The following SGCG variants were observed in gnomAD, a reference collection of about 807,000 sequenced individuals.
SGCG encodes the protein sarcoglycan gamma.
A neutral mutation model predicts 29.3 loss-of-function variants in SGCG; 26 were observed. The observed-to-expected ratio is 0.89, with a 90% CI of 0.65 to 1.23. The LOEUF is 1.23. SGCG is among the 50% of genes most tolerant of loss of function. The probability of loss-of-function intolerance (pLI) is 0.00; values close to 1 mark genes in which losing one functional copy is unlikely to be tolerated. For missense variants in SGCG, 353 were observed against 356.0 expected, an observed-to-expected ratio of 0.99 and a Z score of 0.07; for synonymous variants, 145 against 129.7, an observed-to-expected ratio of 1.12 and a Z score of -0.80.
chr13:23,302,316 C>A (rs1882192107), intron 6 of SGCG, among the ~76,000 whole-genome samples: 1 of 151,338 alleles, frequency 6.6e-6, no homozygotes, highest in Non-Finnish European at 1.5e-5. Flanking sequence ...TTTAAAATTT[C>A]TTTTGGATAG....
chr13:23,311,854 A>G (rs1185470214), intron 6 of SGCG, among the ~76,000 whole-genome samples: 1 of 152,128 alleles, frequency 6.6e-6, no homozygotes, highest in Non-Finnish European at 1.5e-5. Flanking sequence ...TCTGACCTCC[A>G]AACCCCCCAC....
chr13:23,189,605 A>G (rs1226406634), intron 1 of SGCG, among the ~76,000 whole-genome samples: 2 of 152,236 alleles, frequency 1.3e-5, no homozygotes, highest in Non-Finnish European at 2.9e-5. Flanking sequence ...TTGTTACATT[A>G]TATTCATGCA....
chr13:23,221,875 C>T (rs1270724826), intron 2 of SGCG, among the ~76,000 whole-genome samples: 1 of 152,154 alleles, frequency 6.6e-6, no homozygotes, highest in African/African-American at 2.4e-5. Flanking sequence ...ACTATGTATG[C>T]CCTAGTACCC....
chr13:23,309,487 T>C (rs1882480889), intron 6 of SGCG, among the ~76,000 whole-genome samples: 1 of 152,198 alleles, frequency 6.6e-6, no homozygotes, highest in African/African-American at 2.4e-5. Flanking sequence ...GTCATCCTTT[T>C]TATTATTATA....
chr13:23,295,997 C>T (rs553586071), intron 6 of SGCG, among the ~76,000 whole-genome samples: 1 of 127,220 alleles, frequency 7.9e-6, no homozygotes, highest in East Asian at 2.4e-4. Context: ...CCTGGGGTGC[C>T]CCCCTCCCCG....
intron 2 of SGCG, among the ~76,000 whole-genome samples, chr13:23,212,816 T>A (rs1448985814): frequency 2.0e-5 from 3 of 152,132 alleles, no homozygotes; most frequent in East Asian, 1.9e-4. Flanking sequence ...CAGAGCAGGT[T>A]TGGTTTGCAG....
chr13:23,307,655 T>G (rs764565226), intron 6 of SGCG, among the ~76,000 whole-genome samples: 29 of 152,078 alleles, frequency 1.9e-4, no homozygotes, highest in Non-Finnish European at 3.7e-4. Context: ...ATATTAGAAG[T>G]CAGTACAGAT....
chr13:23,207,229 G>A (rs983644470), intron 2 of SGCG, among the ~76,000 whole-genome samples: 7 of 152,126 alleles, frequency 4.6e-5, no homozygotes, highest in Non-Finnish European at 7.4e-5. Context: ...AAGATAGTCT[G>A]TTCAACAGAT....
chr13:23,307,794 C>G (rs2137503116), intron 6 of SGCG, among the ~76,000 whole-genome samples: 1 of 152,150 alleles, frequency 6.6e-6, no homozygotes, highest in African/African-American at 2.4e-5. Context: ...TGTCATAAAT[C>G]ATAAAGAATA....
chr13:23,267,466 T>G (rs1221418466), intron 4 of SGCG: 1 of 152,268 alleles, frequency 6.6e-6, no homozygotes, highest in Admixed American at 6.5e-5. Context: ...CTGAACGATC[T>G]GCTGTGCTAC....
chr13:23,165,306 CAA>C, the SGCG span, among the ~76,000 whole-genome samples: 1 of 151,902 alleles, frequency 6.6e-6, no homozygotes, highest in East Asian at 1.9e-4. Context: ...AGAGGATAAA[CAA>C]AATGAATATT....
intron 2 of SGCG, among the ~76,000 whole-genome samples, chr13:23,229,991 T>C (rs9552882): frequency 0.15 from 23,445 of 152,170 alleles, 1,847 homozygotes; most frequent in East Asian, 0.29. Context: ...CCAGTTTCAC[T>C]CTTCTGCATA....
At chr13:23,315,540 C>T (rs1414557602) in intron 6 of SGCG, among the ~76,000 whole-genome samples, 1 of 151,814 alleles carries the variant, frequency 6.6e-6, no homozygotes, top group African/African-American at 2.4e-5. Context: ...GGGCCTGGTT[C>T]ACAGATGGTT....
At chr13:23,205,418 G>A (rs930280911) in intron 2 of SGCG, among the ~76,000 whole-genome samples, 4 of 152,222 alleles carry the variant, frequency 2.6e-5, no homozygotes, top group Admixed American at 1.3e-4. Flanking sequence ...CAGTTATGCA[G>A]AAGGTTAAGA....
chr13:23,172,287 A>G, the SGCG span, among the ~76,000 whole-genome samples: 15 of 152,288 alleles, frequency 9.8e-5, no homozygotes, highest in African/African-American at 3.4e-4. Context: ...TAGGTTGGCA[A>G]TCTCCACGTT....
At chr13:23,192,142 T>C (rs1224314575) in intron 1 of SGCG, among the ~76,000 whole-genome samples, 1 of 137,914 alleles carries the variant, frequency 7.3e-6, no homozygotes, top group Non-Finnish European at 1.5e-5. Flanking sequence ...GCCATTGCAC[T>C]CCAGCCTGGG....
chr13:23,266,074 G>C (rs1248101143), intron 4 of SGCG, among the ~76,000 whole-genome samples: 1 of 151,988 alleles, frequency 6.6e-6, no homozygotes, highest in Non-Finnish European at 1.5e-5. Context: ...TCAGGAGTTC[G>C]AGACCAGCCT....
At chr13:23,221,454 A>T (rs1241958274) in intron 2 of SGCG, among the ~76,000 whole-genome samples, 3 of 152,202 alleles carry the variant, frequency 2.0e-5, no homozygotes. Context: ...TAAAAAATAT[A>T]TACTGAGCAC....
intron 2 of SGCG, among the ~76,000 whole-genome samples, chr13:23,224,232 A>G (rs1878800575): frequency 6.6e-6 from 1 of 152,164 alleles, no homozygotes; most frequent in Admixed American, 6.5e-5. Flanking sequence ...GAAAACCCCA[A>G]TATTTTCTGA....
Sources: gnomAD v4.1 joint callset for allele counts (sites outside exome capture counted in the v4.1 genomes callset) on GRCh38, gnomAD v4.1.1 for gene constraint, MANE v1.5 for transcripts, NCBI Gene and HGNC (gene_info 2026-07-23, HGNC 2026-07-21) for gene names.